The following RBFOX1 variants were observed in gnomAD, a reference collection of about 807,000 sequenced individuals.
RBFOX1 encodes the protein RNA binding protein fox-1 homolog 1.
Under a neutral mutation model 57.7 loss-of-function variants are expected in RBFOX1, and 8 were observed. The ratio of observed to expected loss-of-function variants is 0.14; its 90% CI spans 0.08 to 0.25. The LOEUF is 0.25. Ranked by LOEUF, RBFOX1 falls within the 10% of genes least tolerant of loss-of-function variation. The pLI, the probability that RBFOX1 is intolerant of heterozygous loss-of-function variation, is 1.00. For synonymous variants in RBFOX1, 326 were observed against 222.4 expected (o/e 1.47, Z -4.15); for missense variants, 611 against 548.5 (o/e 1.11, Z -1.14).
At chr16:7,655,512 C>A (rs751701350) in intron 12 of RBFOX1, among the ~76,000 whole-genome samples, 16 of 152,002 alleles carry the variant, frequency 1.1e-4, no homozygotes, top group Admixed American at 9.8e-4. Context: ...AAGGAGTTGT[C>A]GATAGTATAA....
At chr16:6,111,221 C>T (rs8054147) in intron 1 of RBFOX1, among the ~76,000 whole-genome samples, 101,813 of 152,088 alleles carry the variant, frequency 0.67, 35,586 homozygotes, top group African/African-American at 0.88. Context: ...CTGGAACAGA[C>T]GTCTCATCAG....
At chr16:6,734,743 C>G (rs2069641243) in intron 3 of RBFOX1, among the ~76,000 whole-genome samples, 1 of 152,152 alleles carries the variant, frequency 6.6e-6, no homozygotes, top group Admixed American at 6.5e-5. Context: ...TTCTTTTCCT[C>G]CTTTTACCCC....
chr16:7,181,747 G>C (rs1449944963), intron 4 of RBFOX1, among the ~76,000 whole-genome samples: 6 of 151,992 alleles, frequency 3.9e-5, no homozygotes, highest in Non-Finnish European at 8.8e-5. Context: ...TTTTGGTAGA[G>C]ACACAGTCTT....
intron 4 of RBFOX1, among the ~76,000 whole-genome samples, chr16:7,177,721 G>C (rs552068101): frequency 5.3e-5 from 8 of 152,284 alleles, no homozygotes; most frequent in Admixed American, 1.3e-4. Context: ...TGAGGAGCCA[G>C]GTCATAAATA....
chr16:5,626,034 G>A (rs1475347035), intron 3 of RBFOX1, among the ~76,000 whole-genome samples: 1 of 151,962 alleles, frequency 6.6e-6, no homozygotes, highest in African/African-American at 2.4e-5. Flanking sequence ...GTGCCACCAC[G>A]CCTGGCTAAT....
At chr16:7,191,081 GAACATA>G (rs1415936015) in intron 4 of RBFOX1, among the ~76,000 whole-genome samples, 1 of 152,050 alleles carries the variant, frequency 6.6e-6, no homozygotes, top group Non-Finnish European at 1.5e-5. Context: ...GATATCATTA[GAACATA>G]ATGAAACTGT....
intron 3 of RBFOX1, among the ~76,000 whole-genome samples, chr16:6,750,475 T>A (rs1225250355): frequency 6.6e-6 from 1 of 152,194 alleles, no homozygotes; most frequent in Non-Finnish European, 1.5e-5. Flanking sequence ...AAAATTCAAG[T>A]TTAATATTTC....
intron 3 of RBFOX1, among the ~76,000 whole-genome samples, chr16:6,897,735 G>C (rs969431689): frequency 6.6e-6 from 1 of 152,180 alleles, no homozygotes; most frequent in South Asian, 2.1e-4. Flanking sequence ...AGAGGTTGCA[G>C]TGTGCTGAGA....
chr16:7,098,360 G>A (rs1457527317), intron 4 of RBFOX1, among the ~76,000 whole-genome samples: 1 of 152,060 alleles, frequency 6.6e-6, no homozygotes, highest in Non-Finnish European at 1.5e-5. Flanking sequence ...AGTGGAGATG[G>A]GGTTTCGCCA....
intron 1 of RBFOX1, among the ~76,000 whole-genome samples, chr16:5,429,841 G>A (rs1326968583): frequency 6.6e-6 from 1 of 152,190 alleles, no homozygotes; most frequent in African/African-American, 2.4e-5. Context: ...GCCTGTGCTA[G>A]GGGCTCCGGC....
intron 4 of RBFOX1, among the ~76,000 whole-genome samples, chr16:7,238,379 C>G (rs150267930): frequency 6.6e-6 from 1 of 152,224 alleles, no homozygotes; most frequent in African/African-American, 2.4e-5. Flanking sequence ...GTAAATTCTG[C>G]TTTCTGCACA....
chr16:7,032,476 AT>A (rs1597522345), intron 3 of RBFOX1, among the ~76,000 whole-genome samples: 2 of 152,030 alleles, frequency 1.3e-5, no homozygotes, highest in African/African-American at 2.4e-5. Flanking sequence ...AATAATAAAA[AT>A]CCCATCTTAA....
At chr16:7,228,330 A>G (rs2093281318) in intron 4 of RBFOX1, among the ~76,000 whole-genome samples, 1 of 152,154 alleles carries the variant, frequency 6.6e-6, no homozygotes, top group Non-Finnish European at 1.5e-5. Flanking sequence ...TAGGAGGAAA[A>G]TCAAGGGTTC....
chr16:6,025,019 C>T (rs957715625), intron 1 of RBFOX1, among the ~76,000 whole-genome samples: 4 of 152,184 alleles, frequency 2.6e-5, no homozygotes, highest in African/African-American at 9.7e-5. Flanking sequence ...AAGGTTGGTC[C>T]TATAGGCCCT....
At chr16:5,703,492 G>C (rs2051127268) in intron 3 of RBFOX1, among the ~76,000 whole-genome samples, 1 of 152,174 alleles carries the variant, frequency 6.6e-6, no homozygotes, top group South Asian at 2.1e-4. Context: ...AAATATCACA[G>C]AGCATCCTCG....
At chr16:6,228,237 C>T (rs1415472732) in intron 1 of RBFOX1, among the ~76,000 whole-genome samples, 1 of 152,002 alleles carries the variant, frequency 6.6e-6, no homozygotes, top group Non-Finnish European at 1.5e-5. Context: ...GTGGGAGAAT[C>T]GCTTGAACCT....
At chr16:7,391,341 A>G (rs2098015335) in intron 4 of RBFOX1, among the ~76,000 whole-genome samples, 1 of 152,162 alleles carries the variant, frequency 6.6e-6, no homozygotes. Context: ...GGTAGAGGAA[A>G]GAAGTTTCGC....
At chr16:6,911,590 C>G (rs1012919102) in intron 3 of RBFOX1, among the ~76,000 whole-genome samples, 7 of 152,138 alleles carry the variant, frequency 4.6e-5, no homozygotes, top group East Asian at 3.9e-4. Flanking sequence ...ATTTTGTTAC[C>G]TCTGTAAAGA....
chr16:6,871,865 G>T (rs976405298), intron 3 of RBFOX1, among the ~76,000 whole-genome samples: 1 of 151,626 alleles, frequency 6.6e-6, no homozygotes, highest in African/African-American at 2.4e-5. Context: ...ATCCGCATCT[G>T]ATGGCACTTT....
Sources: gnomAD v4.1 joint callset for allele counts (sites outside exome capture counted in the v4.1 genomes callset) on GRCh38, gnomAD v4.1.1 for gene constraint, MANE v1.5 for transcripts, NCBI Gene and HGNC (gene_info 2026-07-23, HGNC 2026-07-21) for gene names.